Variants in NR2C2 observed in about 807,000 individuals in gnomAD.
The protein encoded by NR2C2 is Nuclear hormone receptor TR4.
NR2C2 carries 6 observed loss-of-function variants against 62.9 expected under a neutral mutation model. That is an observed-to-expected ratio of 0.10 (90% CI 0.05 to 0.19). The LOEUF (loss-of-function observed/expected upper bound fraction) is 0.19. Ranked by LOEUF, NR2C2 falls within the 10% of genes least tolerant of loss-of-function variation. NR2C2 has a pLI of 1.00. For missense variants in NR2C2, 479 were observed against 762.7 expected (o/e 0.63, Z 4.38); for synonymous variants, 272 against 273.8 (o/e 0.99, Z 0.07).
chr3:15,027,437 T>C (rs1483353284), intron 7 of NR2C2, among the ~76,000 whole-genome samples: 1 of 152,262 alleles, frequency 6.6e-6, no homozygotes, highest in Non-Finnish European at 1.5e-5. Flanking sequence ...CCAACACTTG[T>C]TATTATCCAT....
chr3:15,031,667 A>T (rs1033310124), intron 9 of NR2C2, among the ~76,000 whole-genome samples: 1 of 151,748 alleles, frequency 6.6e-6, no homozygotes, highest in East Asian at 1.9e-4. Flanking sequence ...CTTAGCTCTT[A>T]CTTACTGCTA....
chr3:15,022,478 C>T (rs570158925), intron 5 of NR2C2, among the ~76,000 whole-genome samples: 1 of 142,972 alleles, frequency 7.0e-6, no homozygotes, highest in African/African-American at 2.6e-5. Context: ...CGTCTTGGCT[C>T]ACTGCAGCCT....
At position 14,947,869 on chromosome 3, in the gene NR2C2, G is replaced by C. The variant is rs1400739577; in HGVS notation, c.-77G>C. 1.3e-5 allele frequency: 2 copies of C among 149,758 alleles called. No homozygotes were observed. Among genetic ancestry groups the C allele is most frequent in the Non-Finnish European group, 1.5e-5 (1 of 67,156 alleles). The allele number at this position is 149,758 out of a possible 1,614,324, so 9.3% of individuals were successfully genotyped here. ...CCGGGGGCCGCCCGCCGCAGACACG[G>C]GACCCGCTTCGAGGCCGCTTTGGCG... On this transcript the variant is annotated 5_prime_UTR_variant, in exon 1 of 14. Coordinates refer to ENST00000425241, the MANE Select transcript of NR2C2 (RefSeq NM_001291694.2).
intron 1 of NR2C2, among the ~76,000 whole-genome samples, chr3:14,962,133 A>G (rs1425240000): frequency 6.6e-6 from 1 of 152,200 alleles, no homozygotes; most frequent in African/African-American, 2.4e-5. Flanking sequence ...AGCTGTTACA[A>G]CCCTGGAGAC....
chr3:15,029,771 T>C (rs2041916706), intron 8 of NR2C2, among the ~76,000 whole-genome samples: 12 of 149,408 alleles, frequency 8.0e-5, no homozygotes. Context: ...CTGAGACCCA[T>C]CTCTGAAAAA....
chr3:15,028,484 T>C, intron 7 of NR2C2, 102 bp from the exon 8 acceptor site: 1 of 1,112,598 alleles, frequency 9.0e-7, no homozygotes, highest in Non-Finnish European at 1.3e-6. Flanking sequence ...CACACTTCCC[T>C]CTCCTCGAAG....
intron 2 of NR2C2, 91 bp downstream of exon 2, chr3:15,004,077 C>A: frequency 9.7e-7 from 1 of 1,029,926 alleles, no homozygotes; most frequent in Non-Finnish European, 1.4e-6. Flanking sequence ...AAGAGTTGTG[C>A]CTTTTGGGCA....
rs910812029 is a variant in NR2C2 at position 14,973,386 on chromosome 3, C to G, written c.-40+25480C>G. Among the ~76,000 whole-genome samples the G allele has an allele frequency of 3.3e-5, 5 of 151,404 alleles. No individual in the cohort carries two copies. The East Asian group carries it at 9.7e-4, about 29-fold the overall frequency. ...GGGACTACAGGTGTACACTACCATG[C>G]CAGGCTAATTTAAAAAAAAAAATTT... On this transcript the variant is annotated intron_variant, in intron 1 of 13. Transcript: ENST00000425241.
rs2125108830 is a variant in NR2C2, at chr3:15,043,785, T to A, written c.*777T>A. The stretch of plus-strand genomic sequence containing the variant: ...TCTCTGATGGGCATCTGCAGACTCC[T>A]CTAGAACCTGGGGTTCTCCTTTGAT... On this transcript the variant is annotated 3_prime_UTR_variant, in exon 14 of 14. Coordinates refer to ENST00000425241, the MANE Select transcript of NR2C2 (RefSeq NM_001291694.2). 6.6e-6 allele frequency: 1 copy of A among 152,388 alleles called. No homozygotes were observed. Among genetic ancestry groups the A allele is most frequent in the Non-Finnish European group, 1.5e-5 (1 of 68,046 alleles). 9.4% of individuals were successfully genotyped at this position (152,388 alleles called of 1,614,324 possible). A position where few individuals can be genotyped will look rare whatever the true frequency, so the allele number is the denominator to read the frequency against.
rs550592368 is a variant in NR2C2 at position 14,965,380 on chromosome 3, G to A, written c.-40+17474G>A. ...GTCAGGCAACATCATTAATTCTTTAGGAAAGAGGTTAATATAGGCTAATGT... is the reference window on the plus strand; with the variant it reads ...GTCAGGCAACATCATTAATTCTTTAAGAAAGAGGTTAATATAGGCTAATGT... On this transcript the variant is annotated intron_variant, in intron 1 of 13. Coordinates refer to ENST00000425241, the MANE Select transcript of NR2C2 (RefSeq NM_001291694.2). Among the ~76,000 whole-genome samples the A allele has an allele frequency of 2.8e-4, 43 of 152,020 alleles. 1 individual carries two copies. The South Asian group carries it at 8.7e-3, about 31-fold the overall frequency.
chr3:14,953,650 C>T (rs986416570), intron 1 of NR2C2, among the ~76,000 whole-genome samples: 3 of 152,134 alleles, frequency 2.0e-5, no homozygotes, highest in African/African-American at 7.2e-5. Flanking sequence ...AATCCCAGCA[C>T]TTTGGGAGGC....
chr3:15,014,359 A>G (rs2041441090), intron 3 of NR2C2, among the ~76,000 whole-genome samples: 1 of 152,202 alleles, frequency 6.6e-6, no homozygotes, highest in Non-Finnish European at 1.5e-5. Context: ...TGTTGCTAGC[A>G]TGAGTCTGGG....
rs772516610 is a variant in NR2C2 at position 15,042,983 on chromosome 3, G to T, written c.1766G>T (p.Gly589Val). 6.2e-7 allele frequency: 1 copy of T among 1,614,068 alleles called. No individual in the cohort carries two copies. Among genetic ancestry groups the T allele is most frequent in the Non-Finnish European group, 8.5e-7 (1 of 1,179,988 alleles). The change falls in exon 14 of 14, where the codon GGC (glycine) becomes GTC (valine). Residue 589 changes from glycine (G) to valine (V), a missense_variant. By Grantham distance (109) the Gly-to-Val change is moderately radical. Transcript: ENST00000425241. ...ILKMETAEYN[G>V]QITGASL ...AAGATGGAGACAGCAGAGTATAATG[G>T]CCAGATCACCGGAGCCAGTCTATAG...
At chr3:14,952,274 G>A (rs538183163) in intron 1 of NR2C2, among the ~76,000 whole-genome samples, 7 of 152,336 alleles carry the variant, frequency 4.6e-5, no homozygotes, top group Non-Finnish European at 7.3e-5. Flanking sequence ...AACAAGGGAG[G>A]TGAGTCTTTG....
chr3:15,028,458 G>A (rs748872140), intron 7 of NR2C2, 128 bp from the exon 8 acceptor site: 125 of 746,438 alleles, frequency 1.7e-4, no homozygotes, highest in Non-Finnish European at 2.5e-4. Context: ...TCTTCCTCGT[G>A]TTGCCCCTTT....
chr3:15,026,134 TCAG>T (rs1245686057), intron 7 of NR2C2: 1 of 152,188 alleles, frequency 6.6e-6, no homozygotes, highest in Admixed American at 6.6e-5. Flanking sequence ...TCTTCTTACC[TCAG>T]CCTTCCGAGT....
chr3:14,970,271 G>C (rs577396384), intron 1 of NR2C2, among the ~76,000 whole-genome samples: 1 of 136,054 alleles, frequency 7.4e-6, no homozygotes. Context: ...GGCCGGGGGT[G>C]GGGGGTGGGG....
chr3:14,982,979 G>A (rs2040416053), intron 1 of NR2C2, among the ~76,000 whole-genome samples: 1 of 152,036 alleles, frequency 6.6e-6, no homozygotes, highest in Admixed American at 6.5e-5. Flanking sequence ...TTTTAATTTT[G>A]TGAATACATA....
At chr3:15,008,934 T>A (rs949056906) in intron 2 of NR2C2, among the ~76,000 whole-genome samples, 1 of 152,084 alleles carries the variant, frequency 6.6e-6, no homozygotes, top group Non-Finnish European at 1.5e-5. Context: ...ATAAATATGG[T>A]ACTTGGTCGG....
Sources: gnomAD v4.1 joint callset for allele counts (sites outside exome capture counted in the v4.1 genomes callset) on GRCh38, gnomAD v4.1.1 for gene constraint, MANE v1.5 for transcripts, NCBI Gene and HGNC (gene_info 2026-07-23, HGNC 2026-07-21) for gene names.